The following PTPRF variants were observed in gnomAD, a reference collection of about 807,000 sequenced individuals.
PTPRF encodes the protein receptor-type tyrosine-protein phosphatase F.
PTPRF carries 59 observed loss-of-function variants against 201.8 expected under a neutral mutation model. The ratio of observed to expected loss-of-function variants is 0.29; its 90% CI spans 0.24 to 0.36. The LOEUF (loss-of-function observed/expected upper bound fraction) is 0.36. Ranked by LOEUF, PTPRF falls within the 10% of genes least tolerant of loss-of-function variation. The pLI, the probability that PTPRF is intolerant of heterozygous loss-of-function variation, is 1.00. For missense variants in PTPRF, 2,132 were observed against 2,690.5 expected, an observed-to-expected ratio of 0.79 and a Z score of 4.59; for synonymous variants, 1,088 against 1,089.7, an observed-to-expected ratio of 1.00 and a Z score of 0.03.
Position 43,545,061 on chromosome 1 carries a change from G to A in PTPRF, c.-15G>A, listed in dbSNP as rs1355236161. ...TTGTCCTGGGCTGTGGCTGGCTGTG[G>A]AGCTAGAGCCCTGGATGGCCCCTGA... is the stretch of plus-strand genomic sequence containing the variant. On this transcript the variant is annotated 5_prime_UTR_variant, in exon 3 of 34. Coordinates refer to ENST00000359947, the MANE Select transcript of PTPRF (RefSeq NM_002840.5). 6.4e-7 allele frequency: 1 copy of A among 1,561,372 alleles called. No individual in the cohort carries two copies. Among genetic ancestry groups the A allele is most frequent in the Non-Finnish European group, 8.7e-7 (1 of 1,152,154 alleles).
rs762199261 is a variant in PTPRF, at chr1:43,569,666, C to T, written c.456C>T (p.Ala152=). ...QLKVVEKART[A]TMLCAAGGNP... ...AGGTGGTGGAGAAGGCACGCACAGC[C>T]ACCATGCTATGTGCCGCAGGCGGAA... The change falls in exon 6 of 34, where the codon GCC becomes GCT. Residue 152 remains alanine, a synonymous_variant. Coordinates refer to ENST00000359947, the MANE Select transcript of PTPRF (RefSeq NM_002840.5). 6.2e-7 allele frequency: 1 copy of T among 1,614,072 alleles called. No individual in the cohort carries two copies. The highest frequency in any genetic ancestry group is 8.5e-7 in the Non-Finnish European group (1 of 1,179,944).
At position 43,610,157 on chromosome 1, in the gene PTPRF, C is replaced by T. The variant is rs182288518; in HGVS notation, c.3973+659C>T. On this transcript the variant is annotated intron_variant, in intron 22 of 33. Transcript: ENST00000359947. ...TCCTTTTGACGCCTCTCACAGTGAG[C>T]TGGGATTACCTCAGTGACAGTCTCT... is the stretch of plus-strand genomic sequence containing the variant. Among the ~76,000 whole-genome samples, 21 of 152,310 alleles carry T rather than the reference C, an allele frequency of 1.4e-4. No individual in the cohort carries two copies. The East Asian group carries it at 4.1e-3, about 29-fold the overall frequency.
Position 43,597,975 on chromosome 1 carries a change from C to T in PTPRF, c.2041C>T (p.Arg681Trp), listed in dbSNP as rs912268666. The T allele has an allele frequency of 5.2e-6, 8 of 1,552,358 alleles. No individual in the cohort carries two copies. In the Admixed American group the frequency reaches 5.8e-5, roughly 11 times the overall value. Residue 681 changes from arginine to tryptophan, a missense_variant, in exon 12 of 34, where the codon CGG (arginine) becomes TGG (tryptophan). Around this residue, in one of 6 missense-constraint regions of PTPRF, gnomAD observed 125 missense variants for 211.9 expected, o/e 0.59. Coordinates refer to ENST00000359947, the MANE Select transcript of PTPRF (RefSeq NM_002840.5). ...LVGLEKWTEY[R>W]VWVRAHTDVG... is the part of the protein sequence containing the mutation. ...GGGCCTGGAGAAGTGGACGGAGTACCGGGTGTGGGTGCGGGCACACACAGA... is the reference window on the plus strand; with the variant it reads ...GGGCCTGGAGAAGTGGACGGAGTACTGGGTGTGGGTGCGGGCACACACAGA...
At chr1:43,541,716 G>C (rs1644373976) in intron 2 of PTPRF, among the ~76,000 whole-genome samples, 1 of 152,036 alleles carries the variant, frequency 6.6e-6, no homozygotes, top group South Asian at 2.1e-4. Flanking sequence ...CCCAAGAAAG[G>C]GCAGTTGGCA....
At chr1:43,617,991 G>A (rs1658286075) in intron 25 of PTPRF, 80 bp downstream of exon 25, 14 of 1,419,064 alleles carry the variant, frequency 9.9e-6, no homozygotes, top group South Asian at 2.8e-5. Context: ...CTTCTGTGCC[G>A]CTTTCTTCTG....
intron 11 of PTPRF, among the ~76,000 whole-genome samples, chr1:43,596,231 CA>C (rs1652231636): frequency 1.3e-5 from 2 of 152,180 alleles, no homozygotes; most frequent in South Asian, 4.1e-4. Context: ...TGAGCAAGAA[CA>C]AGGGGGTGGG....
chr1:43,598,654 G>A, intron 12 of PTPRF, 66 bp from the exon 13 acceptor site: 2 of 1,473,480 alleles, frequency 1.4e-6, no homozygotes, highest in Non-Finnish European at 1.9e-6. Context: ...CCTCAAGTTT[G>A]CTGTGCCCAC....
Position 43,604,177 on chromosome 1 carries a change from C to T in PTPRF, c.3025C>T (p.Pro1009Ser), listed in dbSNP as rs890253672. The T allele has an allele frequency of 1.2e-6, 2 of 1,613,538 alleles. No homozygotes were observed. The highest frequency in any genetic ancestry group is 2.7e-5 in the African/African-American group (2 of 74,942). The change falls in exon 16 of 34, where the codon CCG becomes TCG. Residue 1009 changes from proline (P) to serine (S), a missense_variant. By Grantham distance (74) the Pro-to-Ser change is moderately conservative (BLOSUM62 -1). Transcript: ENST00000359947. ...LSPSIQSRTM[P>S]VEQVFAKNFR... ...CCCCAGCATCCAGTCCCGGACCATG[C>T]CGGTGGAGCAAGGTGTGTGCTGTGG...
chr1:43,612,304 C>G (rs1007079834), intron 22 of PTPRF, among the ~76,000 whole-genome samples: 1 of 152,066 alleles, frequency 6.6e-6, no homozygotes, highest in Non-Finnish European at 1.5e-5. Flanking sequence ...GTGGAGAAAC[C>G]CCTTTCAAAG....
chr1:43,609,194 T>C (rs1351862937), intron 21 of PTPRF, among the ~76,000 whole-genome samples, 189 bp from the exon 22 acceptor site: 1 of 152,144 alleles, frequency 6.6e-6, no homozygotes, highest in Admixed American at 6.5e-5. Flanking sequence ...ACCCCCTCCC[T>C]GCCCTGTGTT....
chr1:43,563,958 G>T (rs548270764), intron 5 of PTPRF, among the ~76,000 whole-genome samples: 3 of 152,258 alleles, frequency 2.0e-5, no homozygotes, highest in Admixed American at 1.3e-4. Context: ...GGGCGATGTG[G>T]GGTGCCAGGG....
At position 43,619,159 on chromosome 1, in the gene PTPRF, G is replaced by C. The variant is rs762901411; in HGVS notation, c.4603G>C (p.Ala1535Pro). 6.3e-7 allele frequency: 1 copy of C among 1,590,308 alleles called. No homozygotes were observed. The highest frequency in any genetic ancestry group is 1.7e-4 in the Middle Eastern group (1 of 5,974). ...PILAFLRRVK[A>P]CNPLDAGPMV... ...CCTGGCCTTCCTACGACGGGTCAAG[G>C]CCTGCAACCCCCTAGACGCAGGGCC... Residue 1535 changes from alanine to proline, a missense_variant, in exon 27 of 34, where the codon GCC becomes CCC. This residue lies in a region of PTPRF where 519 missense variants were observed against 659.5 expected (regional missense o/e 0.79). Coordinates refer to ENST00000359947, the MANE Select transcript of PTPRF (RefSeq NM_002840.5).
intron 31 of PTPRF, 90 bp downstream of exon 31, chr1:43,620,669 GA>G: frequency 7.7e-6 from 12 of 1,560,040 alleles, no homozygotes; most frequent in Non-Finnish European, 1.0e-5. Context: ...TCAAGCTTCA[GA>G]AATCTGAGGC....
At chr1:43,573,439 C>T (rs573921056) in intron 6 of PTPRF, among the ~76,000 whole-genome samples, 6 of 152,328 alleles carry the variant, frequency 3.9e-5, no homozygotes, top group East Asian at 1.9e-4. Flanking sequence ...CACCCTGAGG[C>T]GAAACCTGGG....
chr1:43,604,348 C>T (rs917283359), intron 16 of PTPRF, among the ~76,000 whole-genome samples, 159 bp downstream of exon 16: 3 of 152,178 alleles, frequency 2.0e-5, no homozygotes, highest in African/African-American at 4.8e-5. Context: ...AGTGAATGGG[C>T]ACCACATTCT....
intron 2 of PTPRF, among the ~76,000 whole-genome samples, chr1:43,544,641 G>A (rs889651443): frequency 6.6e-6 from 1 of 152,154 alleles, no homozygotes; most frequent in Non-Finnish European, 1.5e-5. Context: ...CCACGTAAGC[G>A]TCTCTCTGAC....
chr1:43,544,192 A>T (rs1054574431), intron 2 of PTPRF, among the ~76,000 whole-genome samples: 7 of 151,820 alleles, frequency 4.6e-5, no homozygotes, highest in Admixed American at 2.6e-4. Flanking sequence ...TTCACACCCC[A>T]TCATCCCTAC....
intron 8 of PTPRF, among the ~76,000 whole-genome samples, chr1:43,590,370 G>A (rs533236471): frequency 6.6e-6 from 1 of 152,344 alleles, no homozygotes; most frequent in South Asian, 2.1e-4. Context: ...GGATGTGACT[G>A]TGTGGCATTG....
intron 5 of PTPRF, among the ~76,000 whole-genome samples, chr1:43,558,772 GAGGC>G (rs1187671533): frequency 6.6e-6 from 1 of 152,160 alleles, no homozygotes; most frequent in Non-Finnish European, 1.5e-5. Context: ...GGAGGGGAGG[GAGGC>G]AGGCCTGGAT....
Sources: gnomAD v4.1 joint callset for allele counts (sites outside exome capture counted in the v4.1 genomes callset) on GRCh38, gnomAD v4.1.1 for gene constraint, gnomAD v4.1.1 regional missense constraint, MANE v1.5 for transcripts, NCBI Gene and HGNC (gene_info 2026-07-23, HGNC 2026-07-21) for gene names.